SERTM1: variants seen among roughly 807,000 people sequenced by gnomAD.
SERTM1 encodes the protein serine-rich and transmembrane domain-containing protein 1.
A neutral mutation model predicts 5.5 loss-of-function variants in SERTM1; 1 was observed. That is an observed-to-expected ratio of 0.18 (90% CI 0.06 to 0.86). The LOEUF (loss-of-function observed/expected upper bound fraction) is 0.86, where lower values mean the gene tolerates loss of function less well. Among genes scored for constraint, SERTM1 ranks in the 40% least tolerant of loss-of-function variants. The probability of loss-of-function intolerance (pLI) is 0.69; values close to 1 mark genes in which losing one functional copy is unlikely to be tolerated. For synonymous variants in SERTM1, 52 were observed against 55.1 expected, an observed-to-expected ratio of 0.94 and a Z score of 0.25; for missense variants, 91 against 122.4, an observed-to-expected ratio of 0.74 and a Z score of 1.21.
At chr13:36,680,773 A>G (rs1190452814) in intron 1 of SERTM1, among the ~76,000 whole-genome samples, 1 of 151,910 alleles carries the variant, frequency 6.6e-6, no homozygotes, top group Admixed American at 6.6e-5. Flanking sequence ...TCTGGTTTTG[A>G]GACGGAGTCT....
intron 1 of SERTM1, among the ~76,000 whole-genome samples, chr13:36,675,473 G>T (rs2056664066): frequency 1.3e-5 from 2 of 152,132 alleles, no homozygotes; most frequent in Admixed American, 1.3e-4. Flanking sequence ...TTCTTAAAGG[G>T]TTTGTCTCTT....
At chr13:36,690,254 T>A (rs1035625077) in intron 1 of SERTM1, among the ~76,000 whole-genome samples, 1 of 152,178 alleles carries the variant, frequency 6.6e-6, no homozygotes. Flanking sequence ...TGGCTTTGGT[T>A]TTTATCATGC....
chr13:36,677,912 T>C (rs1947235606), intron 1 of SERTM1, among the ~76,000 whole-genome samples: 1 of 152,174 alleles, frequency 6.6e-6, no homozygotes, highest in African/African-American at 2.4e-5. Flanking sequence ...AATGCAATGC[T>C]ACCTCCAAGT....
intron 1 of SERTM1, among the ~76,000 whole-genome samples, chr13:36,679,998 G>T (rs1021188522): frequency 6.6e-6 from 1 of 152,082 alleles, no homozygotes; most frequent in Non-Finnish European, 1.5e-5. Context: ...AGGTGTATAT[G>T]AAACATAAAT....
intron 1 of SERTM1, among the ~76,000 whole-genome samples, chr13:36,693,325 A>G (rs961098170): frequency 6.6e-6 from 1 of 152,112 alleles, no homozygotes; most frequent in African/African-American, 2.4e-5. Context: ...TTTATGTGCT[A>G]TAAAAAAGCT....
intron 1 of SERTM1, among the ~76,000 whole-genome samples, chr13:36,675,696 A>G (rs1593388475): frequency 1.3e-5 from 2 of 152,070 alleles, no homozygotes; most frequent in Admixed American, 1.3e-4. Context: ...TTTTTAGTTG[A>G]TCTGTAAAGC....
chr13:36,680,966 G>A (rs764702560), intron 1 of SERTM1, among the ~76,000 whole-genome samples: 8 of 152,094 alleles, frequency 5.3e-5, no homozygotes, highest in Non-Finnish European at 8.8e-5. Flanking sequence ...TTAGTTGTAC[G>A]ATGAATGAAA....
intron 1 of SERTM1, among the ~76,000 whole-genome samples, chr13:36,675,985 T>C (rs2056667389): frequency 6.6e-6 from 1 of 152,346 alleles, no homozygotes; most frequent in Admixed American, 6.5e-5. Flanking sequence ...AAGAAACCTG[T>C]TGTAAGGTAA....
intron 1 of SERTM1, among the ~76,000 whole-genome samples, chr13:36,691,431 T>A (rs1361923389): frequency 2.0e-5 from 3 of 152,136 alleles, no homozygotes; most frequent in Non-Finnish European, 4.4e-5. Context: ...AGACTGCACA[T>A]CCCTCCTTCC....
In SERTM1 at chr13:36,695,442, C is replaced by T. The variant is rs2056807148; in HGVS notation, c.*40C>T. On this transcript the variant is annotated 3_prime_UTR_variant, in exon 2 of 2. Coordinates refer to ENST00000315190, the MANE Select transcript of SERTM1 (RefSeq NM_203451.3). ...TCCTTGAGTGTGGCAGCAGTTTTGA[C>T]ATCCCCTTACGGAAGTGTCCCGTGA... is the stretch of plus-strand genomic sequence containing the variant. 6.7e-7 allele frequency: 1 copy of T among 1,489,052 alleles called. No homozygotes were observed. The highest frequency in any genetic ancestry group is 9.3e-7 in the Non-Finnish European group (1 of 1,076,848). 92.2% of individuals were successfully genotyped at this position (1,489,052 alleles called of 1,614,324 possible). A position where few individuals can be genotyped will look rare whatever the true frequency, so the allele number is the denominator to read the frequency against.
At chr13:36,689,743 C>A (rs2056766191) in intron 1 of SERTM1, among the ~76,000 whole-genome samples, 1 of 150,634 alleles carries the variant, frequency 6.6e-6, no homozygotes, top group Non-Finnish European at 1.5e-5. Flanking sequence ...TGTGAATATT[C>A]TGAGAATTAT....
chr13:36,683,596 T>C (rs1349477780), intron 1 of SERTM1, among the ~76,000 whole-genome samples: 1 of 152,166 alleles, frequency 6.6e-6, no homozygotes, highest in East Asian at 1.9e-4. Context: ...ATACTCACTG[T>C]GGTCACTCAA....
In SERTM1 at chr13:36,697,795, G is replaced by T. The variant is rs1010820408; in HGVS notation, c.*2393G>T. On this transcript the variant is annotated 3_prime_UTR_variant, in exon 2 of 2. Coordinates refer to ENST00000315190, the MANE Select transcript of SERTM1 (RefSeq NM_203451.3). Reference sequence around the variant, plus strand: ...TCATGTTGTTTAAGAAGTTCAGAAAGGTTGGAAGATGGGTTTATAAATAAA... The same window carrying T: ...TCATGTTGTTTAAGAAGTTCAGAAATGTTGGAAGATGGGTTTATAAATAAA... 1 of 167,004 alleles carries T rather than the reference G, an allele frequency of 6.0e-6. No individual in the cohort carries two copies. The highest frequency in any genetic ancestry group is 2.1e-4 in the South Asian group (1 of 4,818). 10.3% of individuals were successfully genotyped at this position (167,004 alleles called of 1,614,324 possible). A position where few individuals can be genotyped will look rare whatever the true frequency, so the allele number is the denominator to read the frequency against.
intron 1 of SERTM1, among the ~76,000 whole-genome samples, chr13:36,687,378 A>G (rs188930958): frequency 1.7e-3 from 259 of 152,326 alleles, no homozygotes; most frequent in Non-Finnish European, 3.0e-3. Flanking sequence ...AGAGATAGAT[A>G]TAAATAGTGA....
chr13:36,692,119 A>G (rs994901890), intron 1 of SERTM1, among the ~76,000 whole-genome samples: 3 of 152,204 alleles, frequency 2.0e-5, no homozygotes, highest in Non-Finnish European at 4.4e-5. Flanking sequence ...ATACTTAAGG[A>G]AGAAGATATT....
At position 36,695,026 on chromosome 13, in the gene SERTM1, T is replaced by TA; in HGVS notation, c.-53_-52insA. ...ATGCCAATCTGTCCTGTGTAAGCCC[T>TA]GTGTGAAGTTTTGACTTTAATCTAC... On this transcript the variant is annotated 5_prime_UTR_variant, in exon 2 of 2. Coordinates refer to ENST00000315190, the MANE Select transcript of SERTM1 (RefSeq NM_203451.3). The TA allele has an allele frequency of 1.5e-6, 2 of 1,290,480 alleles. No homozygotes were observed. Among genetic ancestry groups the TA allele is most frequent in the Non-Finnish European group, 2.2e-6 (2 of 906,530 alleles). The allele number at this position is 1,290,480 out of a possible 1,614,324, so 79.9% of individuals were successfully genotyped here. A position where few individuals can be genotyped will look rare whatever the true frequency, so the allele number is the denominator to read the frequency against.
At chr13:36,682,090 C>T (rs573455499) in intron 1 of SERTM1, among the ~76,000 whole-genome samples, 2 of 152,132 alleles carry the variant, frequency 1.3e-5, no homozygotes, top group Non-Finnish European at 2.9e-5. Context: ...ATGCTTACCC[C>T]CTTTGAGTAA....
intron 1 of SERTM1, among the ~76,000 whole-genome samples, chr13:36,692,992 C>T (rs1414929285): frequency 2.0e-5 from 3 of 152,208 alleles, no homozygotes; most frequent in African/African-American, 7.2e-5. Flanking sequence ...TAGTCTTTGC[C>T]TTATCTGCCC....
intron 1 of SERTM1, among the ~76,000 whole-genome samples, chr13:36,678,692 T>C (rs1555283019): frequency 6.7e-6 from 1 of 148,834 alleles, no homozygotes; most frequent in Non-Finnish European, 1.5e-5. Flanking sequence ...TATATATATA[T>C]ATAAAATATA....
Sources: gnomAD v4.1 joint callset for allele counts (sites outside exome capture counted in the v4.1 genomes callset) on GRCh38, gnomAD v4.1.1 for gene constraint, MANE v1.5 for transcripts, NCBI Gene and HGNC (gene_info 2026-07-23, HGNC 2026-07-21) for gene names.